ROBO2: variants seen among roughly 807,000 people sequenced by gnomAD.
ROBO2 encodes roundabout homolog 2.
A neutral mutation model predicts 160.8 loss-of-function variants in ROBO2; 53 were observed. The observed-to-expected ratio is 0.33, with a 90% confidence interval of 0.26 to 0.41. The LOEUF (loss-of-function observed/expected upper bound fraction) is 0.41. Ranked by LOEUF, ROBO2 falls within the 10% of genes least tolerant of loss-of-function variation. The pLI, the probability that ROBO2 is intolerant of heterozygous loss-of-function variation, is 1.00. For synonymous variants in ROBO2, 664 were observed against 611.7 expected, an observed-to-expected ratio of 1.09 and a Z score of -1.26; for missense variants, 1,577 against 1,722.4, an observed-to-expected ratio of 0.92 and a Z score of 1.49.
intron 2 of ROBO2, among the ~76,000 whole-genome samples, chr3:77,472,365 G>C (rs2083445217): frequency 6.6e-6 from 1 of 152,106 alleles, no homozygotes; most frequent in Non-Finnish European, 1.5e-5. Context: ...TCATAGGAGA[G>C]TGTTTGTCAC....
intron 2 of ROBO2, among the ~76,000 whole-genome samples, chr3:76,461,370 C>T (rs981583373): frequency 9.9e-5 from 15 of 152,222 alleles, no homozygotes; most frequent in Admixed American, 7.9e-4. Flanking sequence ...CAATTCAACA[C>T]GAGATTTGGG....
At chr3:76,964,943 T>C (rs2079961233) in intron 2 of ROBO2, among the ~76,000 whole-genome samples, 3 of 152,226 alleles carry the variant, frequency 2.0e-5, no homozygotes, top group Admixed American at 6.5e-5. Context: ...TCATGAACAA[T>C]GTTGTAAGTA....
intron 1 of ROBO2, among the ~76,000 whole-genome samples, chr3:77,053,150 A>C (rs1052286281): frequency 7.2e-5 from 11 of 152,190 alleles, no homozygotes; most frequent in Non-Finnish European, 1.5e-4. Flanking sequence ...TCTGAGTTGC[A>C]TAGTTAGAAA....
intron 2 of ROBO2, among the ~76,000 whole-genome samples, chr3:76,707,729 GTGTATATA>G (rs1271736863): frequency 4.0e-5 from 3 of 75,320 alleles, no homozygotes; most frequent in Non-Finnish European, 7.5e-5. Flanking sequence ...ATACATGTGT[GTGTATATA>G]TATATATATA....
intron 2 of ROBO2, among the ~76,000 whole-genome samples, chr3:76,709,126 T>C (rs1485449623): frequency 6.6e-6 from 1 of 152,138 alleles, no homozygotes; most frequent in African/African-American, 2.4e-5. Context: ...AGATATCCAA[T>C]AGTACCATGA....
intron 2 of ROBO2, among the ~76,000 whole-genome samples, chr3:76,494,553 A>G (rs563749495): frequency 6.6e-6 from 1 of 152,220 alleles, no homozygotes; most frequent in South Asian, 2.1e-4. Context: ...CCTTGATGAT[A>G]ATGTTCTTTT....
chr3:77,530,379 T>C (rs2091586402), intron 6 of ROBO2, among the ~76,000 whole-genome samples: 1 of 151,930 alleles, frequency 6.6e-6, no homozygotes, highest in African/African-American at 2.4e-5. Flanking sequence ...AAGCCCCCTT[T>C]AGAAATCATT....
chr3:76,916,256 T>G (rs1313895756), intron 2 of ROBO2, among the ~76,000 whole-genome samples: 2 of 152,212 alleles, frequency 1.3e-5, no homozygotes, highest in African/African-American at 4.8e-5. Context: ...GACTTGTTTA[T>G]GCAGCCATCA....
chr3:77,490,165 A>G (rs2085907427), intron 4 of ROBO2, among the ~76,000 whole-genome samples: 1 of 149,518 alleles, frequency 6.7e-6, no homozygotes, highest in South Asian at 2.1e-4. Flanking sequence ...CAGGGGCCCA[A>G]TCTCGGCTCA....
intron 2 of ROBO2, among the ~76,000 whole-genome samples, chr3:77,237,339 C>G (rs962275121): frequency 6.6e-6 from 1 of 151,480 alleles, no homozygotes; most frequent in Non-Finnish European, 1.5e-5. Context: ...TAGCAGGGAC[C>G]ATACTGTACG....
chr3:77,150,070 A>G (rs2077427047), intron 2 of ROBO2, among the ~76,000 whole-genome samples: 1 of 152,172 alleles, frequency 6.6e-6, no homozygotes, highest in Non-Finnish European at 1.5e-5. Flanking sequence ...TAATTGTTTC[A>G]GTTATATGAA....
At chr3:77,537,739 G>A (rs769165004) in intron 6 of ROBO2, among the ~76,000 whole-genome samples, 1 of 152,120 alleles carries the variant, frequency 6.6e-6, no homozygotes, top group Non-Finnish European at 1.5e-5. Flanking sequence ...CACATGGCTG[G>A]GGAGGCCTCA....
intron 2 of ROBO2, among the ~76,000 whole-genome samples, chr3:75,961,427 T>C (rs1168205491): frequency 6.6e-6 from 1 of 151,760 alleles, no homozygotes; most frequent in African/African-American, 2.4e-5. Flanking sequence ...TAAGGAGTAA[T>C]TGACCTATAA....
intron 2 of ROBO2, among the ~76,000 whole-genome samples, chr3:77,312,001 G>A (rs980694292): frequency 1.3e-5 from 2 of 152,004 alleles, no homozygotes; most frequent in Non-Finnish European, 2.9e-5. Flanking sequence ...CAGGAGAACT[G>A]CTTGAACCTG....
At chr3:76,397,430 T>G (rs1160913189) in intron 2 of ROBO2, among the ~76,000 whole-genome samples, 1 of 151,984 alleles carries the variant, frequency 6.6e-6, no homozygotes, top group African/African-American at 2.4e-5. Context: ...ACTTCATGTC[T>G]AAAACACCAA....
chr3:77,061,994 A>G (rs141610110), intron 1 of ROBO2, among the ~76,000 whole-genome samples: 65 of 152,154 alleles, frequency 4.3e-4, no homozygotes, highest in African/African-American at 1.5e-3. Context: ...CAGTGAAAAC[A>G]TTAGTAGATT....
At chr3:77,517,014 A>G (rs368961312) in intron 5 of ROBO2, among the ~76,000 whole-genome samples, 3 of 151,632 alleles carry the variant, frequency 2.0e-5, no homozygotes, top group African/African-American at 7.3e-5. Context: ...AGAGAGAACC[A>G]GTCCTCATTC....
intron 2 of ROBO2, among the ~76,000 whole-genome samples, chr3:77,153,801 C>A (rs2077736008): frequency 6.6e-6 from 1 of 151,988 alleles, no homozygotes; most frequent in Non-Finnish European, 1.5e-5. Flanking sequence ...TCAATCCAAC[C>A]CTCCATCTAA....
At chr3:76,763,639 C>G (rs2108407801) in intron 2 of ROBO2, among the ~76,000 whole-genome samples, 1 of 151,678 alleles carries the variant, frequency 6.6e-6, no homozygotes, top group Non-Finnish European at 1.5e-5. Context: ...TCATAAAAAC[C>G]AACACAAAGG....
Sources: allele counts gnomAD v4.1 joint callset (sites outside exome capture counted in the v4.1 genomes callset), GRCh38; gene constraint gnomAD v4.1.1; transcripts MANE v1.5; gene names NCBI Gene and HGNC (gene_info 2026-07-23, HGNC 2026-07-21).